The following GPC5 variants were observed in gnomAD, a reference collection of about 807,000 sequenced individuals.
GPC5 encodes the protein glypican 5, also known as glypican-5.
In GPC5, 47 loss-of-function variants were observed where a neutral mutation model predicts 53.9. The ratio of observed to expected loss-of-function variants is 0.87; its 90% confidence interval spans 0.69 to 1.11. The LOEUF is 1.11. Ranked by LOEUF, GPC5 falls within the 50% of genes most tolerant of loss-of-function variation. The probability of loss-of-function intolerance (pLI) is 0.00; values close to 1 mark genes in which losing one functional copy is unlikely to be tolerated. For missense variants in GPC5, 748 were observed against 713.1 expected (o/e 1.05, Z -0.56); for synonymous variants, 286 against 263.3 (o/e 1.09, Z -0.84).
rs187710229 is a variant in GPC5, at chr13:92,426,724, A to T, written c.1561+281735A>T. Among the ~76,000 whole-genome samples, 346 of 152,166 alleles carry T rather than the reference A, an allele frequency of 2.3e-3. 3 individuals carry two copies. The Middle Eastern group carries it at 0.031, about 13-fold the overall frequency. On this transcript the variant is annotated intron_variant, in intron 7 of 7. Transcript: ENST00000377067. ...TTGATTACATATAATTTTATATACA[A>T]ATCAAAAATAAAATGAAAATTAAAA...
intron 7 of GPC5, among the ~76,000 whole-genome samples, chr13:92,486,654 A>T (rs1218731909): frequency 6.6e-6 from 1 of 152,386 alleles, no homozygotes; most frequent in East Asian, 1.9e-4. Flanking sequence ...AAAGGAAATC[A>T]TAAGAATGAG....
At chr13:92,257,745 TTTCACCATG>T (rs1255459106) in intron 7 of GPC5, among the ~76,000 whole-genome samples, 1 of 151,600 alleles carries the variant, frequency 6.6e-6, no homozygotes, top group Non-Finnish European at 1.5e-5. Context: ...AGAGATGGGG[TTTCACCATG>T]TTCACCAGGA....
At chr13:92,319,974 T>C (rs2043205298) in intron 7 of GPC5, among the ~76,000 whole-genome samples, 1 of 152,200 alleles carries the variant, frequency 6.6e-6, no homozygotes, top group African/African-American at 2.4e-5. Flanking sequence ...TAACTTCATT[T>C]ACCTTATTTA....
chr13:92,532,899 G>C (rs528038702), intron 7 of GPC5, among the ~76,000 whole-genome samples: 2 of 152,226 alleles, frequency 1.3e-5, no homozygotes, highest in Admixed American at 6.5e-5. Context: ...AACAATGTGG[G>C]TTTAGGTAGA....
At chr13:91,489,754 C>T (rs76129247) in intron 2 of GPC5, among the ~76,000 whole-genome samples, 1,986 of 152,216 alleles carry the variant, frequency 0.013, 45 homozygotes, top group African/African-American at 0.045. Flanking sequence ...ATATTATGAA[C>T]ATTTTAGCAA....
chr13:91,844,358 T>G (rs1390907235), intron 5 of GPC5, among the ~76,000 whole-genome samples: 1 of 152,204 alleles, frequency 6.6e-6, no homozygotes, highest in Non-Finnish European at 1.5e-5. Context: ...TTCTTGTGCA[T>G]GTGTGCTCTC....
intron 5 of GPC5, among the ~76,000 whole-genome samples, chr13:91,836,304 G>A (rs2038722367): frequency 6.6e-6 from 1 of 151,468 alleles, no homozygotes; most frequent in South Asian, 2.1e-4. Context: ...AAACTTTTTG[G>A]TTTTCATTTG....
At chr13:91,678,987 G>A (rs552780598) in intron 2 of GPC5, among the ~76,000 whole-genome samples, 3 of 151,650 alleles carry the variant, frequency 2.0e-5, no homozygotes, top group African/African-American at 7.3e-5. Context: ...TTTGTCCTGG[G>A]GTAAACATTG....
At chr13:92,306,922 T>C (rs951388865) in intron 7 of GPC5, among the ~76,000 whole-genome samples, 3 of 152,246 alleles carry the variant, frequency 2.0e-5, no homozygotes, top group Non-Finnish European at 4.4e-5. Flanking sequence ...ATCCCACTTC[T>C]TGTCTGTTTC....
At chr13:92,673,584 T>C (rs1180282747) in intron 7 of GPC5, among the ~76,000 whole-genome samples, 2 of 152,196 alleles carry the variant, frequency 1.3e-5, no homozygotes, top group African/African-American at 4.8e-5. Context: ...GTCTTAATTG[T>C]GTTCTATTCG....
intron 6 of GPC5, among the ~76,000 whole-genome samples, chr13:92,040,295 T>G (rs151205003): frequency 2.0e-5 from 3 of 152,258 alleles, no homozygotes; most frequent in Non-Finnish European, 2.9e-5. Context: ...GCACGTTAAG[T>G]GCATCTGCTA....
intron 6 of GPC5, among the ~76,000 whole-genome samples, chr13:91,985,310 A>G (rs375399268): frequency 6.8e-6 from 1 of 147,812 alleles, no homozygotes; most frequent in African/African-American, 2.5e-5. Context: ...TTTTGTCATC[A>G]TTTACTTTTA....
At chr13:91,848,424 G>A (rs2038875943) in intron 5 of GPC5, among the ~76,000 whole-genome samples, 1 of 152,196 alleles carries the variant, frequency 6.6e-6, no homozygotes, top group South Asian at 2.1e-4. Flanking sequence ...CTATGCTAGT[G>A]AGGGAAGAGT....
At chr13:92,022,264 G>A (rs978695190) in intron 6 of GPC5, among the ~76,000 whole-genome samples, 7 of 152,192 alleles carry the variant, frequency 4.6e-5, no homozygotes, top group South Asian at 4.1e-4. Flanking sequence ...GCATCCCAAA[G>A]TGCTAGGATT....
At chr13:92,042,505 A>T (rs1341329129) in intron 6 of GPC5, among the ~76,000 whole-genome samples, 6 of 152,142 alleles carry the variant, frequency 3.9e-5, no homozygotes, top group Non-Finnish European at 8.8e-5. Context: ...TGGAAAAAAA[A>T]AATCTGAGCA....
chr13:92,121,808 GA>G (rs2041651671), intron 6 of GPC5, among the ~76,000 whole-genome samples: 1 of 152,142 alleles, frequency 6.6e-6, no homozygotes, highest in South Asian at 2.1e-4. Flanking sequence ...TTTTAAATGG[GA>G]TAGTGGCCAA....
intron 7 of GPC5, among the ~76,000 whole-genome samples, chr13:92,233,831 C>G (rs71427538): frequency 0.11 from 16,405 of 151,798 alleles, 917 homozygotes; most frequent in Middle Eastern, 0.13. Flanking sequence ...ACAACAGTCC[C>G]CGGTGTGTGA....
At chr13:92,092,632 ATGAGG>A (rs2041389820) in intron 6 of GPC5, among the ~76,000 whole-genome samples, 1 of 152,154 alleles carries the variant, frequency 6.6e-6, no homozygotes, top group Admixed American at 6.5e-5. Context: ...GTTTTTACAC[ATGAGG>A]TTAAATTTTT....
chr13:91,545,540 T>C (rs2030233223), intron 2 of GPC5, among the ~76,000 whole-genome samples: 1 of 152,084 alleles, frequency 6.6e-6, no homozygotes. Context: ...TAAAAAATTA[T>C]TGTGGTGAGA....
Sources: gnomAD v4.1 joint callset for allele counts (sites outside exome capture counted in the v4.1 genomes callset) on GRCh38, gnomAD v4.1.1 for gene constraint, MANE v1.5 for transcripts, NCBI Gene and HGNC (gene_info 2026-07-23, HGNC 2026-07-21) for gene names.